Variants in GNA12 observed in about 807,000 individuals in gnomAD.
GNA12 encodes guanine nucleotide-binding protein subunit alpha-12.
GNA12 carries 9 observed loss-of-function variants against 26.0 expected under a neutral mutation model. That is an observed-to-expected ratio of 0.35 (90% CI 0.21 to 0.60). GNA12 has a LOEUF of 0.60. Ranked by LOEUF, GNA12 falls within the 20% of genes least tolerant of loss-of-function variation. The pLI, the probability that GNA12 is intolerant of heterozygous loss-of-function variation, is 0.78. For missense variants in GNA12, 405 were observed against 525.8 expected, an observed-to-expected ratio of 0.77 and a Z score of 2.25; for synonymous variants, 264 against 219.6, an observed-to-expected ratio of 1.20 and a Z score of -1.79.
In GNA12 at chr7:2,730,124, G is replaced by C. The variant is rs1392554387; in HGVS notation, c.*1057C>G. The C allele has an allele frequency of 6.6e-6, 1 of 152,514 alleles. No individual in the cohort carries two copies. The allele number at this position is 152,514 out of a possible 1,614,324, so 9.4% of individuals were successfully genotyped here. On this transcript the variant is annotated 3_prime_UTR_variant, in exon 4 of 4. Coordinates refer to ENST00000275364, the MANE Select transcript of GNA12 (RefSeq NM_007353.3). ...TCCAGCGTCTGTGGGCTTCCCGAAA[G>C]GTCAGCTGTTAGCTCGCCAAGCAGC...
chr7:2,742,532 G>T (rs1790561171), intron 2 of GNA12, among the ~76,000 whole-genome samples: 1 of 152,086 alleles, frequency 6.6e-6, no homozygotes, highest in African/African-American at 2.4e-5. Context: ...ATTTTCCAGG[G>T]GCTGTAATTC....
chr7:2,747,803 G>C (rs1336183062), intron 2 of GNA12, among the ~76,000 whole-genome samples: 3 of 152,160 alleles, frequency 2.0e-5, no homozygotes, highest in Non-Finnish European at 4.4e-5. Context: ...ATCTCCTTAA[G>C]CTGATAAGCA....
At chr7:2,819,921 C>A (rs1032582043) in intron 1 of GNA12, among the ~76,000 whole-genome samples, 1 of 152,174 alleles carries the variant, frequency 6.6e-6, no homozygotes, top group Non-Finnish European at 1.5e-5. Flanking sequence ...AAAACCCGCA[C>A]ATGGATGTTT....
intron 2 of GNA12, among the ~76,000 whole-genome samples, chr7:2,779,753 A>G (rs575515328): frequency 2.7e-3 from 410 of 151,782 alleles, no homozygotes; most frequent in African/African-American, 9.4e-3. Flanking sequence ...ATGTACCACC[A>G]CGCCTGGATA....
At chr7:2,831,031 T>C (rs1025694315) in intron 1 of GNA12, among the ~76,000 whole-genome samples, 48 of 152,218 alleles carry the variant, frequency 3.2e-4, no homozygotes, top group Non-Finnish European at 2.8e-4. Context: ...CATCTTCTCA[T>C]CTCCTCAGCT....
intron 2 of GNA12, among the ~76,000 whole-genome samples, chr7:2,776,287 T>C (rs186060690): frequency 6.6e-6 from 1 of 152,274 alleles, no homozygotes; most frequent in Admixed American, 6.5e-5. Flanking sequence ...GGGCTTTGCT[T>C]GCCTGGTGGA....
At chr7:2,828,903 T>C (rs925217510) in intron 1 of GNA12, among the ~76,000 whole-genome samples, 1 of 151,998 alleles carries the variant, frequency 6.6e-6, no homozygotes, top group Admixed American at 6.6e-5. Flanking sequence ...TTAATTTTTC[T>C]CTACAAAAAT....
At chr7:2,767,173 C>T (rs1583263132) in intron 2 of GNA12, among the ~76,000 whole-genome samples, 1 of 152,132 alleles carries the variant, frequency 6.6e-6, no homozygotes, top group Non-Finnish European at 1.5e-5. Context: ...AAATATTTTT[C>T]CCGTTTTATA....
intron 2 of GNA12, chr7:2,762,555 G>C (rs554427715): frequency 1.4e-6 from 2 of 1,385,284 alleles, no homozygotes; most frequent in Admixed American, 4.9e-5. Flanking sequence ...TCTGGAGTTA[G>C]ATCCAATGAC....
At chr7:2,735,205 C>T (rs998160863) in intron 2 of GNA12, among the ~76,000 whole-genome samples, 7 of 152,204 alleles carry the variant, frequency 4.6e-5, no homozygotes, top group Admixed American at 1.3e-4. Context: ...GGAGGTGCCA[C>T]GCAAGCCCAA....
At chr7:2,807,432 G>A (rs1792976048) in intron 1 of GNA12, among the ~76,000 whole-genome samples, 1 of 151,920 alleles carries the variant, frequency 6.6e-6, no homozygotes, top group Non-Finnish European at 1.5e-5. Flanking sequence ...GTTTCATGAA[G>A]GTATAAAGAA....
chr7:2,805,645 A>G (rs1255374767), intron 1 of GNA12, among the ~76,000 whole-genome samples: 1 of 152,272 alleles, frequency 6.6e-6, no homozygotes, highest in Non-Finnish European at 1.5e-5. Flanking sequence ...GACTAGAGCC[A>G]GAGCTGAGCT....
At chr7:2,779,130 G>A (rs902544994) in intron 2 of GNA12, among the ~76,000 whole-genome samples, 2 of 152,130 alleles carry the variant, frequency 1.3e-5, no homozygotes, top group African/African-American at 2.4e-5. Context: ...AGGCCAAGGC[G>A]GGTGAATCAC....
intron 2 of GNA12, among the ~76,000 whole-genome samples, chr7:2,774,890 T>TGGTTGGCACAGC (rs1327286853): frequency 2.6e-5 from 4 of 152,182 alleles, no homozygotes; most frequent in African/African-American, 9.7e-5. Flanking sequence ...TCATGCACAG[T>TGGTTGGCACAGC]GGTTGGCACA....
Position 2,844,150 on chromosome 7 carries a change from C to T in GNA12, c.12G>A (p.Val4=), listed in dbSNP as rs1779096870. The change falls in exon 1 of 4, where the codon GTG becomes GTA. Residue 4 remains valine (V), a synonymous_variant. Coordinates refer to ENST00000275364, the MANE Select transcript of GNA12 (RefSeq NM_007353.3). MSG[V]VRTLSRCLLP... Reference sequence around the variant, plus strand: ...GCAGGCAGCGGCTGAGGGTCCGCACCACCCCGGACATGGCCCCTCAGGCCG... The same window carrying T: ...GCAGGCAGCGGCTGAGGGTCCGCACTACCCCGGACATGGCCCCTCAGGCCG... 1.0e-6 allele frequency: 1 copy of T among 985,170 alleles called. No individual in the cohort carries two copies. Among genetic ancestry groups the T allele is most frequent in the Non-Finnish European group, 1.2e-6 (1 of 831,410 alleles). The allele number at this position is 985,170 out of a possible 1,614,324, so 61.0% of individuals were successfully genotyped here. A position where few individuals can be genotyped will look rare whatever the true frequency, so the allele number is the denominator to read the frequency against.
At chr7:2,809,062 C>T (rs1793016149) in intron 1 of GNA12, among the ~76,000 whole-genome samples, 2 of 152,176 alleles carry the variant, frequency 1.3e-5, no homozygotes, top group South Asian at 4.1e-4. Flanking sequence ...CAAAACTGCA[C>T]CCCAGGCCCA....
intron 1 of GNA12, among the ~76,000 whole-genome samples, chr7:2,826,009 T>G (rs1411295271): frequency 5.9e-5 from 9 of 152,028 alleles, no homozygotes; most frequent in Non-Finnish European, 1.0e-4. Context: ...AGCCAGGAAG[T>G]GGAGCAACAG....
intron 2 of GNA12, chr7:2,763,284 G>T: frequency 9.1e-6 from 2 of 220,238 alleles, no homozygotes; most frequent in Non-Finnish European, 1.6e-5. Context: ...CGTGGGAGGA[G>T]TGCTGTGAGG....
At chr7:2,785,653 TAC>T (rs559854413) in intron 2 of GNA12, among the ~76,000 whole-genome samples, 3 of 146,478 alleles carry the variant, frequency 2.0e-5, no homozygotes, top group African/African-American at 5.3e-5. Context: ...CATGTGCATA[TAC>T]ACACACATTT....
Sources: gnomAD v4.1 joint callset for allele counts (sites outside exome capture counted in the v4.1 genomes callset) on GRCh38, gnomAD v4.1.1 for gene constraint, MANE v1.5 for transcripts, NCBI Gene and HGNC (gene_info 2026-07-23, HGNC 2026-07-21) for gene names.